The following TENM3 variants were observed in gnomAD, a reference collection of about 807,000 sequenced individuals.
The protein encoded by TENM3 is teneurin transmembrane protein 3.
Under a neutral mutation model 255.1 loss-of-function variants are expected in TENM3, and 63 were observed. The observed-to-expected ratio is 0.25, with a 90% CI of 0.20 to 0.30. The LOEUF (loss-of-function observed/expected upper bound fraction) is 0.30, where lower values mean the gene tolerates loss of function less well. TENM3 is among the 10% of genes least tolerant of loss of function. The pLI is 1.00. For missense variants in TENM3, 2,929 were observed against 3,461.1 expected (o/e 0.85, Z 3.86); for synonymous variants, 1,306 against 1,322.3 (o/e 0.99, Z 0.27).
the TENM3 span, among the ~76,000 whole-genome samples, chr4:181,541,915 G>A: frequency 6.6e-6 from 1 of 152,164 alleles, no homozygotes; most frequent in Non-Finnish European, 1.5e-5. Flanking sequence ...TGGACCATTT[G>A]CCTGCATACA....
chr4:182,562,949 G>C (rs1743361156), intron 3 of TENM3, among the ~76,000 whole-genome samples: 1 of 152,072 alleles, frequency 6.6e-6, no homozygotes, highest in Non-Finnish European at 1.5e-5. Flanking sequence ...GAAATTTAAA[G>C]ATCAATACTT....
At chr4:182,228,158 G>A (rs900166413) in intron 1 of TENM3, among the ~76,000 whole-genome samples, 6 of 151,900 alleles carry the variant, frequency 3.9e-5, no homozygotes, top group African/African-American at 1.5e-4. Context: ...GAGATCTAAT[G>A]TGCAATCCGA....
intron 1 of TENM3, among the ~76,000 whole-genome samples, chr4:182,228,358 A>ATGTAATGTG (rs1554035080): frequency 7.3e-5 from 8 of 109,014 alleles, no homozygotes; most frequent in African/African-American, 2.9e-4. Flanking sequence ...ATGTAATGTA[A>ATGTAATGTG]TGTGTGTGTG....
At chr4:182,617,794 G>T (rs1426704549) in intron 4 of TENM3, among the ~76,000 whole-genome samples, 2 of 152,134 alleles carry the variant, frequency 1.3e-5, no homozygotes. Flanking sequence ...ATTTAATCAG[G>T]TCACTTTTAG....
chr4:181,813,052 C>G, the TENM3 span, among the ~76,000 whole-genome samples: 1 of 152,162 alleles, frequency 6.6e-6, no homozygotes, highest in Non-Finnish European at 1.5e-5. Flanking sequence ...GGGTGGCTTA[C>G]AAACAACAGA....
chr4:182,286,546 C>T (rs1392949707), intron 1 of TENM3, among the ~76,000 whole-genome samples: 1 of 152,188 alleles, frequency 6.6e-6, no homozygotes, highest in African/African-American at 2.4e-5. Flanking sequence ...CTCCCCAGCC[C>T]TTTCTGTAGA....
the TENM3 span, among the ~76,000 whole-genome samples, chr4:181,880,317 T>C: frequency 6.6e-6 from 1 of 152,206 alleles, no homozygotes; most frequent in African/African-American, 2.4e-5. Flanking sequence ...ATAGGAAAAT[T>C]GTTTAAATAT....
chr4:181,585,828 TC>T, the TENM3 span, among the ~76,000 whole-genome samples: 292 of 152,336 alleles, frequency 1.9e-3, 1 homozygote, highest in African/African-American at 6.8e-3. Flanking sequence ...CATATACTTT[TC>T]TTCCTATTAA....
At chr4:182,247,560 G>A (rs1321838935) in intron 1 of TENM3, among the ~76,000 whole-genome samples, 2 of 152,276 alleles carry the variant, frequency 1.3e-5, no homozygotes, top group South Asian at 2.1e-4. Flanking sequence ...GTTAGGCAAG[G>A]ACAGCTTTAA....
the TENM3 span, among the ~76,000 whole-genome samples, chr4:181,833,337 G>T: frequency 6.6e-6 from 1 of 152,070 alleles, no homozygotes; most frequent in South Asian, 2.1e-4. Flanking sequence ...TACAGTCACA[G>T]CTTTAACTCA....
intron 3 of TENM3, among the ~76,000 whole-genome samples, chr4:182,581,369 A>G (rs1560955740): frequency 6.6e-6 from 1 of 152,194 alleles, no homozygotes; most frequent in Non-Finnish European, 1.5e-5. Context: ...TTGTGGAAAT[A>G]ATCAAAGCTG....
chr4:181,566,725 C>T, the TENM3 span, among the ~76,000 whole-genome samples: 5 of 152,270 alleles, frequency 3.3e-5, no homozygotes, highest in South Asian at 1.0e-3. Context: ...GCTCTCCAGC[C>T]GTGTGTTCAC....
At chr4:181,939,304 G>C in the TENM3 span, among the ~76,000 whole-genome samples, 1 of 152,170 alleles carries the variant, frequency 6.6e-6, no homozygotes, top group Non-Finnish European at 1.5e-5. Context: ...CTCGTTTCTG[G>C]TATCAGCCAC....
the TENM3 span, among the ~76,000 whole-genome samples, chr4:181,863,091 A>C: frequency 6.6e-6 from 1 of 151,828 alleles, no homozygotes; most frequent in African/African-American, 2.4e-5. Context: ...ATACATTCTT[A>C]ACTTTTATAA....
chr4:181,449,164 C>A, the TENM3 span, among the ~76,000 whole-genome samples: 1 of 152,134 alleles, frequency 6.6e-6, no homozygotes, highest in Non-Finnish European at 1.5e-5. Context: ...CACCTATCAC[C>A]TTTTCCAAAT....
At chr4:181,450,965 C>G in the TENM3 span, among the ~76,000 whole-genome samples, 1 of 152,092 alleles carries the variant, frequency 6.6e-6, no homozygotes, top group Admixed American at 6.5e-5. Context: ...TATTTATATG[C>G]CAGGGATCGT....
the TENM3 span, among the ~76,000 whole-genome samples, chr4:182,068,548 A>G: frequency 6.6e-6 from 1 of 152,180 alleles, no homozygotes. Context: ...AATGCAAATG[A>G]AATATGAAAA....
the TENM3 span, among the ~76,000 whole-genome samples, chr4:181,606,101 A>G: frequency 6.6e-6 from 1 of 152,116 alleles, no homozygotes; most frequent in Non-Finnish European, 1.5e-5. Context: ...TTCTACCCTC[A>G]GATTACATCC....
At chr4:182,787,372 G>A (rs958877584) in intron 24 of TENM3, among the ~76,000 whole-genome samples, 4 of 152,182 alleles carry the variant, frequency 2.6e-5, no homozygotes, top group Non-Finnish European at 5.9e-5. Context: ...CACCACTCCG[G>A]ACTATCTGCT....
Sources: allele counts gnomAD v4.1 joint callset (sites outside exome capture counted in the v4.1 genomes callset), GRCh38; gene constraint gnomAD v4.1.1; transcripts MANE v1.5; gene names NCBI Gene and HGNC (gene_info 2026-07-23, HGNC 2026-07-21).